The following DPP6 variants were observed in gnomAD, a reference collection of about 807,000 sequenced individuals.
The protein encoded by DPP6 is A-type potassium channel modulatory protein DPP6.
DPP6 carries 69 observed loss-of-function variants against 122.6 expected under a neutral mutation model. The ratio of observed to expected loss-of-function variants is 0.56; its 90% CI spans 0.46 to 0.69. The LOEUF is 0.69. DPP6 is among the 30% of genes least tolerant of loss of function. DPP6 has a pLI of 0.00. For synonymous variants in DPP6, 418 were observed against 433.1 expected, an observed-to-expected ratio of 0.97 and a Z score of 0.43; for missense variants, 928 against 1,116.9, an observed-to-expected ratio of 0.83 and a Z score of 2.41.
chr7:153,819,792 CTA>C, the DPP6 span, among the ~76,000 whole-genome samples: 2 of 152,050 alleles, frequency 1.3e-5, no homozygotes. Context: ...TATTTTATCT[CTA>C]TTTAAAAAAT....
At chr7:154,724,234 C>G (rs1841957484) in intron 7 of DPP6, among the ~76,000 whole-genome samples, 1 of 152,268 alleles carries the variant, frequency 6.6e-6, no homozygotes, top group South Asian at 2.1e-4. Flanking sequence ...TCTCCCCCTC[C>G]TCCCCAGAGA....
chr7:154,045,257 G>A (rs1213211525), intron 1 of DPP6, among the ~76,000 whole-genome samples: 1 of 147,708 alleles, frequency 6.8e-6, no homozygotes, highest in Admixed American at 6.7e-5. Context: ...TTTTATTCTT[G>A]AAAAATCCTT....
intron 8 of DPP6, among the ~76,000 whole-genome samples, chr7:154,733,910 A>G (rs1354684686): frequency 1.3e-5 from 2 of 152,206 alleles, no homozygotes; most frequent in African/African-American, 2.4e-5. Context: ...ATTTACATTC[A>G]TGACACGTTA....
Position 154,141,688 on chromosome 7 carries a change from G to T in DPP6, c.243+88625G>T, listed in dbSNP as rs1437129513. On this transcript the variant is annotated intron_variant, in intron 1 of 25. Transcript: ENST00000377770. ...CCCCACGCAGCTCATGCAGATGGTG[G>T]TACTAACTGGAGAAGCAGTTACAGT... Among the ~76,000 whole-genome samples, 15 of 152,264 alleles carry T rather than the reference G, an allele frequency of 9.9e-5. No individual in the cohort carries two copies. In the South Asian group the frequency reaches 2.7e-3, roughly 27 times the overall value.
intron 1 of DPP6, among the ~76,000 whole-genome samples, chr7:154,132,606 T>G (rs539137069): frequency 1.3e-5 from 2 of 152,268 alleles, no homozygotes; most frequent in South Asian, 4.1e-4. Flanking sequence ...TCTCGAAAGA[T>G]CTCTCTTCCC....
the DPP6 span, among the ~76,000 whole-genome samples, chr7:153,819,814 A>G: frequency 6.6e-6 from 1 of 152,218 alleles, no homozygotes; most frequent in African/African-American, 2.4e-5. Flanking sequence ...TCACTGAAAT[A>G]AATGTAGTTT....
chr7:154,613,742 C>T (rs1834057889), intron 5 of DPP6, among the ~76,000 whole-genome samples: 1 of 151,224 alleles, frequency 6.6e-6, no homozygotes, highest in Non-Finnish European at 1.5e-5. Context: ...TACATTACTC[C>T]CTCATTGTTT....
chr7:154,509,374 A>G (rs900526942), intron 3 of DPP6, among the ~76,000 whole-genome samples: 7 of 152,224 alleles, frequency 4.6e-5, no homozygotes, highest in Non-Finnish European at 8.8e-5. Flanking sequence ...ATGTACATGA[A>G]AAGATATTTG....
At chr7:154,171,218 G>A (rs1228175163) in intron 1 of DPP6, among the ~76,000 whole-genome samples, 9 of 152,180 alleles carry the variant, frequency 5.9e-5, no homozygotes, top group Non-Finnish European at 8.8e-5. Context: ...GATCTTTTAT[G>A]GCTATAAACA....
At chr7:154,617,005 T>A (rs1268552141) in intron 5 of DPP6, among the ~76,000 whole-genome samples, 1 of 152,234 alleles carries the variant, frequency 6.6e-6, no homozygotes, top group Non-Finnish European at 1.5e-5. Context: ...CCATCAGCAG[T>A]CAGCCTTCAT....
intron 7 of DPP6, among the ~76,000 whole-genome samples, chr7:154,705,128 G>C (rs1021948780): frequency 7.9e-5 from 12 of 152,200 alleles, no homozygotes; most frequent in African/African-American, 2.9e-4. Flanking sequence ...GGAGAGGAGA[G>C]GGGGAGAAGG....
intron 3 of DPP6, chr7:154,475,923 T>A (rs1822694296): frequency 6.6e-6 from 1 of 152,276 alleles, no homozygotes; most frequent in African/African-American, 2.4e-5. Context: ...TTTTCTGAGG[T>A]CACAGAGCTG....
At chr7:154,695,436 A>C (rs1840163681) in intron 7 of DPP6, among the ~76,000 whole-genome samples, 1 of 152,254 alleles carries the variant, frequency 6.6e-6, no homozygotes, top group Non-Finnish European at 1.5e-5. Context: ...ACATACATAC[A>C]TGACAGAAAC....
At chr7:153,919,495 G>T (rs1182633928) in intron 1 of DPP6, among the ~76,000 whole-genome samples, 2 of 152,070 alleles carry the variant, frequency 1.3e-5, no homozygotes, top group Admixed American at 6.6e-5. Flanking sequence ...TGCCTAAGTT[G>T]AATGGTTGTC....
chr7:154,828,008 G>T (rs527449407), intron 16 of DPP6, among the ~76,000 whole-genome samples: 1 of 152,304 alleles, frequency 6.6e-6, no homozygotes, highest in South Asian at 2.1e-4. Flanking sequence ...GGAACTGGGG[G>T]GAGTGGAGTG....
At chr7:154,414,744 G>A (rs1394238045) in intron 1 of DPP6, among the ~76,000 whole-genome samples, 3 of 152,206 alleles carry the variant, frequency 2.0e-5, no homozygotes, top group Non-Finnish European at 4.4e-5. Flanking sequence ...AGGGCTGGAG[G>A]AGCCTCCACC....
intron 1 of DPP6, among the ~76,000 whole-genome samples, chr7:153,890,836 C>T (rs1185540931): frequency 4.2e-5 from 6 of 143,200 alleles, no homozygotes; most frequent in Non-Finnish European, 7.5e-5. Context: ...GGACTACAGG[C>T]GTGCACCACC....
chr7:154,607,759 A>G (rs1284491030), intron 5 of DPP6, among the ~76,000 whole-genome samples: 6 of 116,758 alleles, frequency 5.1e-5, no homozygotes, highest in African/African-American at 1.6e-4. Flanking sequence ...AGCTTGCTTT[A>G]TTGCAAGAAT....
intron 8 of DPP6, among the ~76,000 whole-genome samples, chr7:154,762,737 G>A (rs1356881234): frequency 6.6e-6 from 1 of 152,222 alleles, no homozygotes; most frequent in Admixed American, 6.5e-5. Flanking sequence ...CTCTCCTGCA[G>A]ATAAAAACTC....
Sources: gnomAD v4.1 joint callset for allele counts (sites outside exome capture counted in the v4.1 genomes callset) on GRCh38, gnomAD v4.1.1 for gene constraint, MANE v1.5 for transcripts, NCBI Gene and HGNC (gene_info 2026-07-23, HGNC 2026-07-21) for gene names.